IPO11: variants seen among roughly 807,000 people sequenced by gnomAD.
The protein encoded by IPO11 is importin-11.
IPO11 carries 66 observed loss-of-function variants against 143.2 expected under a neutral mutation model. The observed-to-expected ratio is 0.46, with a 90% CI of 0.38 to 0.57. The LOEUF (loss-of-function observed/expected upper bound fraction) is 0.57, where lower values mean the gene tolerates loss of function less well. Ranked by LOEUF, IPO11 falls within the 20% of genes least tolerant of loss-of-function variation. The pLI is 0.00. For synonymous variants in IPO11, 385 were observed against 377.8 expected, an observed-to-expected ratio of 1.02 and a Z score of -0.22; for missense variants, 1,026 against 1,141.0, an observed-to-expected ratio of 0.90 and a Z score of 1.45.
intron 27 of IPO11, among the ~76,000 whole-genome samples, chr5:62,583,588 C>G (rs1258750863): frequency 6.6e-6 from 1 of 152,006 alleles, no homozygotes. Context: ...TCTTTGTCAG[C>G]TATTTCCTTT....
rs757789748 is a variant in IPO11 at position 62,561,116 on chromosome 5, GCCT to G, written c.2461-12_2461-10del. 6.3e-6 allele frequency: 10 copies of G among 1,588,762 alleles called. No homozygotes were observed. Among genetic ancestry groups the G allele is most frequent in the Non-Finnish European group, 7.7e-6 (9 of 1,169,252 alleles). ...AAACATATTTTAGGTATTTTGAGAT[GCCT>G]CCTCCTCTTGTTTCAGATGGACCAG... is the stretch of plus-strand genomic sequence containing the variant. On this transcript the variant is annotated splice_polypyrimidine_tract_variant and intron_variant, in intron 26 of 29. Transcript: ENST00000325324.
intron 16 of IPO11, among the ~76,000 whole-genome samples, chr5:62,503,020 T>TA (rs1409384134): frequency 1.3e-5 from 2 of 152,066 alleles, no homozygotes; most frequent in Non-Finnish European, 2.9e-5. Flanking sequence ...AGATGGGGTT[T>TA]CACCATGTTG....
intron 24 of IPO11, among the ~76,000 whole-genome samples, chr5:62,546,251 T>C (rs1341906709): frequency 6.6e-6 from 1 of 152,196 alleles, no homozygotes; most frequent in Non-Finnish European, 1.5e-5. Flanking sequence ...ATATACACCA[T>C]GGAATACTAT....
intron 16 of IPO11, among the ~76,000 whole-genome samples, chr5:62,500,553 A>C (rs1262865932): frequency 1.3e-5 from 2 of 152,198 alleles, no homozygotes; most frequent in African/African-American, 4.8e-5. Flanking sequence ...GCTGGAGTAC[A>C]GTGGCGTGAT....
intron 27 of IPO11, among the ~76,000 whole-genome samples, chr5:62,569,157 C>A (rs1173537592): frequency 1.3e-5 from 2 of 152,112 alleles, no homozygotes; most frequent in Non-Finnish European, 2.9e-5. Flanking sequence ...GAGGTGGGTG[C>A]TGGTAGTAGC....
At chr5:62,563,244 G>C (rs1443407413) in intron 27 of IPO11, among the ~76,000 whole-genome samples, 1 of 152,160 alleles carries the variant, frequency 6.6e-6, no homozygotes, top group Non-Finnish European at 1.5e-5. Flanking sequence ...ATATTGAAAT[G>C]TTAAAGAACA....
intron 1 of IPO11, among the ~76,000 whole-genome samples, chr5:62,421,232 G>T (rs1382917028): frequency 1.3e-5 from 2 of 152,086 alleles, no homozygotes; most frequent in Non-Finnish European, 2.9e-5. Context: ...TGATTCACAA[G>T]GGTTCCTTGT....
At chr5:62,525,244 T>G (rs1391650502) in intron 20 of IPO11, among the ~76,000 whole-genome samples, 2 of 152,196 alleles carry the variant, frequency 1.3e-5, no homozygotes, top group African/African-American at 4.8e-5. Context: ...CATATACAGA[T>G]ATCTAGATAT....
At chr5:62,418,533 T>A (rs1483868667) in intron 1 of IPO11, among the ~76,000 whole-genome samples, 1 of 152,200 alleles carries the variant, frequency 6.6e-6, no homozygotes, top group East Asian at 1.9e-4. Flanking sequence ...ACAGCATTCA[T>A]ATAGTTAATA....
chr5:62,597,510 G>A, intron 28 of IPO11, among the ~76,000 whole-genome samples: 1 of 152,174 alleles, frequency 6.6e-6, no homozygotes, highest in South Asian at 2.1e-4. Flanking sequence ...GAAACAGCTG[G>A]ATTGGTTACA....
chr5:62,443,418 T>TGTGTGTGC (rs1554047773), intron 3 of IPO11: 1 of 160,324 alleles, frequency 6.2e-6, no homozygotes, highest in African/African-American at 2.6e-5. Context: ...TGTGTGTGTG[T>TGTGTGTGC]GTGCGTGTGT....
intron 27 of IPO11, among the ~76,000 whole-genome samples, chr5:62,563,345 A>G (rs2112370058): frequency 6.6e-6 from 1 of 152,358 alleles, no homozygotes; most frequent in Admixed American, 6.5e-5. Flanking sequence ...GTTTTCTCCA[A>G]GATAAAGTAC....
intron 27 of IPO11, chr5:62,578,619 A>G: frequency 2.2e-6 from 1 of 457,306 alleles, no homozygotes; most frequent in Non-Finnish European, 4.5e-6. Flanking sequence ...GGAAAACTCT[A>G]ACTGCATTCT....
chr5:62,554,343 T>C (rs2112354580), intron 26 of IPO11, among the ~76,000 whole-genome samples: 1 of 152,300 alleles, frequency 6.6e-6, no homozygotes, highest in East Asian at 1.9e-4. Flanking sequence ...ATTAGTAAAA[T>C]CTTTTCCCTG....
chr5:62,561,918 CA>C (rs1743786267), intron 27 of IPO11: 1 of 152,176 alleles, frequency 6.6e-6, no homozygotes, highest in African/African-American at 2.4e-5. Flanking sequence ...AAATAACATA[CA>C]GCTTCATTGG....
At chr5:62,426,931 G>GTTTTTTTTTTTTTTTTT (rs763031944) in intron 1 of IPO11, among the ~76,000 whole-genome samples, 4 of 90,244 alleles carry the variant, frequency 4.4e-5, no homozygotes, top group South Asian at 4.3e-4. Flanking sequence ...TTTTCTTTCT[G>GTTTTTTTTTTTTTTTTT]TTTTTTTTTT....
At chr5:62,545,231 G>A (rs1375678336) in intron 24 of IPO11, among the ~76,000 whole-genome samples, 1 of 152,138 alleles carries the variant, frequency 6.6e-6, no homozygotes. Flanking sequence ...AAACAGCATG[G>A]TACTGGTACC....
chr5:62,576,467 T>A (rs1190788078), intron 27 of IPO11, among the ~76,000 whole-genome samples: 1 of 152,170 alleles, frequency 6.6e-6, no homozygotes, highest in Non-Finnish European at 1.5e-5. Context: ...AAACCAATCT[T>A]GATTGGTTTA....
chr5:62,493,928 A>G, intron 15 of IPO11, 70 bp from the exon 16 acceptor site: 1 of 1,350,674 alleles, frequency 7.4e-7, no homozygotes, highest in Non-Finnish European at 1.0e-6. Context: ...TTTAAATGAT[A>G]AATTATACTA....
Sources: gnomAD v4.1 joint callset for allele counts (sites outside exome capture counted in the v4.1 genomes callset) on GRCh38, gnomAD v4.1.1 for gene constraint, MANE v1.5 for transcripts, NCBI Gene and HGNC (gene_info 2026-07-23, HGNC 2026-07-21) for gene names.